The following ANXA3 variants were observed in gnomAD, a reference collection of about 807,000 sequenced individuals.
ANXA3 encodes the protein 35-alpha calcimedin.
ANXA3 carries 46 observed loss-of-function variants against 48.8 expected under a neutral mutation model. That is an observed-to-expected ratio of 0.94 (90% CI 0.74 to 1.21). The LOEUF (loss-of-function observed/expected upper bound fraction) is 1.21, where lower values mean the gene tolerates loss of function less well. ANXA3 is among the 50% of genes most tolerant of loss of function. ANXA3 has a pLI of 0.00. For synonymous variants in ANXA3, 128 were observed against 134.7 expected (o/e 0.95, Z 0.35); for missense variants, 383 against 378.6 (o/e 1.01, Z -0.10).
In ANXA3 at chr4:78,551,864, G is replaced by C. The variant is rs998550101; in HGVS notation, c.-39+5G>C. 8 of 152,330 alleles carry C rather than the reference G, an allele frequency of 5.3e-5. No homozygotes were observed. Among genetic ancestry groups the C allele is most frequent in the Non-Finnish European group, 8.8e-5 (6 of 68,106 alleles). The allele number at this position is 152,330 out of a possible 1,614,324, so 9.4% of individuals were successfully genotyped here. A position where few individuals can be genotyped will look rare whatever the true frequency, so the allele number is the denominator to read the frequency against. On this transcript the variant is annotated splice_donor_5th_base_variant and intron_variant, in intron 1 of 12. Coordinates refer to ENST00000264908, the MANE Select transcript of ANXA3 (RefSeq NM_005139.3). ...GTTTCCCCCACCGCGCTTTGGGTAA[G>C]TTCAGCCTCCCGGCGCGTCCCCGCG...
intron 6 of ANXA3, among the ~76,000 whole-genome samples, chr4:78,589,089 A>G (rs1486793358): frequency 6.6e-6 from 1 of 152,146 alleles, no homozygotes; most frequent in Admixed American, 6.5e-5. Flanking sequence ...GAGCTTTATG[A>G]GGATGAGGAT....
intron 12 of ANXA3, among the ~76,000 whole-genome samples, chr4:78,604,755 C>G (rs938136678): frequency 6.6e-6 from 1 of 152,158 alleles, no homozygotes; most frequent in Non-Finnish European, 1.5e-5. Flanking sequence ...TAAATTTCCT[C>G]TCTGTTTTAC....
chr4:78,605,757 A>G (rs895438733), intron 12 of ANXA3, among the ~76,000 whole-genome samples: 3 of 152,206 alleles, frequency 2.0e-5, no homozygotes, highest in Non-Finnish European at 4.4e-5. Flanking sequence ...CAGTTGATAT[A>G]TTATACATAG....
intron 5 of ANXA3, among the ~76,000 whole-genome samples, chr4:78,585,013 G>C (rs935478638): frequency 6.6e-6 from 1 of 152,246 alleles, no homozygotes; most frequent in Admixed American, 6.5e-5. Flanking sequence ...CGCAAGTCCA[G>C]TACCCCTGTT....
Position 78,578,294 on chromosome 4 carries a change from AGAGC to A in ANXA3, c.104-729_104-726del, listed in dbSNP as rs1469675666. Among the ~76,000 whole-genome samples, 231 of 83,020 alleles carry A rather than the reference AGAGC, an allele frequency of 2.8e-3. 1 individual carries two copies. The highest frequency in any genetic ancestry group is 0.012 in the African/African-American group (208 of 18,078). The allele number at this position is 83,020 out of a possible 152,430, so 54.5% of individuals were successfully genotyped here. On this transcript the variant is annotated intron_variant, in intron 3 of 12. Transcript: ENST00000264908. ...GAGAGAAAGGGCGAAGGGGAGAGAG[AGAGC>A]GAGAGAGAGAGAGAGAGAGAGAGAG...
intron 2 of ANXA3, among the ~76,000 whole-genome samples, chr4:78,559,514 G>A (rs1352149617): frequency 1.3e-5 from 2 of 152,178 alleles, no homozygotes. Flanking sequence ...AGGGAATATA[G>A]AGCTACTCTG....
chr4:78,559,131 G>T (rs1560439636), intron 2 of ANXA3, among the ~76,000 whole-genome samples: 1 of 152,094 alleles, frequency 6.6e-6, no homozygotes, highest in East Asian at 1.9e-4. Context: ...TCAGGCTGGA[G>T]TGCAGTGGTG....
chr4:78,552,896 G>T (rs1385359667), intron 1 of ANXA3, among the ~76,000 whole-genome samples: 1 of 152,228 alleles, frequency 6.6e-6, no homozygotes. Context: ...CTGTGGTTGT[G>T]TAGAGAAACC....
At chr4:78,608,119 T>C (rs1444745164) in intron 12 of ANXA3, among the ~76,000 whole-genome samples, 17 of 151,970 alleles carry the variant, frequency 1.1e-4, no homozygotes, top group Non-Finnish European at 2.9e-5. Context: ...GTTACAATTA[T>C]AAGCAAAGGG....
At chr4:78,558,169 T>A (rs1330096107) in intron 2 of ANXA3, among the ~76,000 whole-genome samples, 3 of 152,214 alleles carry the variant, frequency 2.0e-5, no homozygotes, top group Non-Finnish European at 4.4e-5. Context: ...ATTTCATTGA[T>A]AAGAGGTATC....
intron 12 of ANXA3, among the ~76,000 whole-genome samples, chr4:78,608,780 G>GT (rs757685102): frequency 6.6e-6 from 1 of 152,006 alleles, no homozygotes; most frequent in Non-Finnish European, 1.5e-5. Context: ...TATGAGTTTG[G>GT]TTTTACATGT....
chr4:78,582,335 TCA>T, intron 5 of ANXA3, 45 bp downstream of exon 5: 3 of 1,359,066 alleles, frequency 2.2e-6, no homozygotes, highest in Non-Finnish European at 3.2e-6. Context: ...TTTGACCAAG[TCA>T]TCAAAAATAG....
intron 6 of ANXA3, 113 bp downstream of exon 6, chr4:78,586,463 C>T (rs1723180974): frequency 2.8e-6 from 2 of 709,466 alleles, no homozygotes; most frequent in Admixed American, 3.0e-5. Context: ...ACAAGACTTA[C>T]AGAAACGAGA....
intron 11 of ANXA3, chr4:78,602,990 A>G (rs1323466886): frequency 6.6e-6 from 1 of 152,412 alleles, no homozygotes; most frequent in Non-Finnish European, 1.5e-5. Flanking sequence ...ATCTTTACCT[A>G]GCTGACTCCT....
chr4:78,561,507 A>G (rs1014033075), intron 2 of ANXA3, among the ~76,000 whole-genome samples: 5 of 152,122 alleles, frequency 3.3e-5, no homozygotes, highest in African/African-American at 1.2e-4. Context: ...GTCCAGTTTC[A>G]TACTCCTTGC....
At chr4:78,569,738 G>A (rs1177006119) in intron 2 of ANXA3, among the ~76,000 whole-genome samples, 1 of 152,144 alleles carries the variant, frequency 6.6e-6, no homozygotes, top group African/African-American at 2.4e-5. Context: ...GCTGCTTCAG[G>A]AACCACACTT....
chr4:78,554,309 C>A, intron 1 of ANXA3, 127 bp from the exon 2 acceptor site: 1 of 684,674 alleles, frequency 1.5e-6, no homozygotes, highest in Non-Finnish European at 2.5e-6. Context: ...GATATATGCT[C>A]TTCCTGAGAA....
intron 2 of ANXA3, among the ~76,000 whole-genome samples, chr4:78,572,553 G>A (rs1479937278): frequency 6.6e-6 from 1 of 152,168 alleles, no homozygotes; most frequent in Non-Finnish European, 1.5e-5. Context: ...ATTGGTTGGA[G>A]ATGTAATTAT....
chr4:78,599,798 G>A lies in ANXA3; in HGVS notation c.731-1712G>A, dbSNP rs564177712. Among the ~76,000 whole-genome samples, 43 of 152,052 alleles carry A rather than the reference G, an allele frequency of 2.8e-4. 1 individual carries two copies. The South Asian group carries it at 6.5e-3, about 23-fold the overall frequency. On this transcript the variant is annotated intron_variant, in intron 10 of 12. Coordinates refer to ENST00000264908, the MANE Select transcript of ANXA3 (RefSeq NM_005139.3). ...AAATTAGCTGGGTAGGTTGGTGGAC[G>A]CCTGTAGTCCCAGCTACTCAAGGGG...
Sources: gnomAD v4.1 joint callset for allele counts (sites outside exome capture counted in the v4.1 genomes callset) on GRCh38, gnomAD v4.1.1 for gene constraint, MANE v1.5 for transcripts, NCBI Gene and HGNC (gene_info 2026-07-23, HGNC 2026-07-21) for gene names.